Variants in GLO1 observed in about 807,000 individuals in gnomAD.
GLO1 encodes lactoylglutathione lyase.
GLO1 carries 28 observed loss-of-function variants against 26.0 expected under a neutral mutation model. That is an observed-to-expected ratio of 1.08 (90% CI 0.80 to 1.48). GLO1 has a LOEUF of 1.48. Among genes scored for constraint, GLO1 ranks in the 40% most tolerant of loss-of-function variants. GLO1 has a pLI of 0.00. For missense variants in GLO1, 225 were observed against 224.8 expected, an observed-to-expected ratio of 1.00 and a Z score of -0.01; for synonymous variants, 78 against 77.6, an observed-to-expected ratio of 1.00 and a Z score of -0.03.
chr6:38,688,521 T>G (rs1761487009), intron 1 of GLO1, among the ~76,000 whole-genome samples: 1 of 152,204 alleles, frequency 6.6e-6, no homozygotes, highest in Admixed American at 6.5e-5. Flanking sequence ...ATAACAAACA[T>G]CCTTCTTTCC....
At chr6:38,698,727 G>T (rs1189593075) in intron 1 of GLO1, among the ~76,000 whole-genome samples, 1 of 132,544 alleles carries the variant, frequency 7.5e-6, no homozygotes, top group Non-Finnish European at 1.5e-5. Context: ...TTTAAAGAAA[G>T]TTAGCCCAGA....
At chr6:38,702,088 G>A (rs1424643439) in intron 1 of GLO1, among the ~76,000 whole-genome samples, 4 of 151,892 alleles carry the variant, frequency 2.6e-5, no homozygotes, top group East Asian at 1.9e-4. Context: ...CCGCCACCAC[G>A]CCCAGCTCAT....
rs535784818 is a variant in GLO1 at position 38,699,537 on chromosome 6, G to A, written c.84+3434C>T. On this transcript the variant is annotated intron_variant, in intron 1 of 5. Coordinates refer to ENST00000373365, the MANE Select transcript of GLO1 (RefSeq NM_006708.3). ...TTCTTCTTGCAGAGAGCCTATAAAC[G>A]GACGTGCAAGTAGGAGAGATATTGC... 7.9e-5 allele frequency among the ~76,000 whole-genome samples: 12 copies of A among 152,232 alleles called. No individual in the cohort carries two copies. The South Asian group carries it at 2.1e-3, about 26-fold the overall frequency.
rs1761389923 is a variant in GLO1, at chr6:38,682,102, C to T, written c.377-1G>A. Reference sequence around the variant, plus strand: ...TCAGGAACAGCAATTCCAATATGACCTTACGTGATACCCCCCGAAAAAAGC... The same window carrying T: ...TCAGGAACAGCAATTCCAATATGACTTTACGTGATACCCCCCGAAAAAAGC... On this transcript the variant is annotated splice_acceptor_variant, in intron 4 of 5. Transcript: ENST00000373365. LOFTEE classifies it high-confidence loss of function. The T allele has an allele frequency of 1.3e-6, 2 of 1,521,320 alleles. No homozygotes were observed. The highest frequency in any genetic ancestry group is 1.4e-5 in the African/African-American group (1 of 73,188). 94.2% of individuals were successfully genotyped at this position (1,521,320 alleles called of 1,614,324 possible).
Position 38,703,071 on chromosome 6 carries a change from C to A in GLO1, c.-17G>T. On this transcript the variant is annotated 5_prime_UTR_variant, in exon 1 of 6. Transcript: ENST00000373365. ...TTCTGCCATGGCTGCGCTGCAGTAT[C>A]ACAGACGACGGGACCCAAGGAACGG... The A allele has an allele frequency of 6.8e-7, 1 of 1,465,898 alleles. No homozygotes were observed. The highest frequency in any genetic ancestry group is 9.5e-7 in the Non-Finnish European group (1 of 1,053,632). 90.8% of individuals were successfully genotyped at this position (1,465,898 alleles called of 1,614,324 possible). A position where few individuals can be genotyped will look rare whatever the true frequency, so the allele number is the denominator to read the frequency against.
chr6:38,690,154 T>C (rs1355601109), intron 1 of GLO1, among the ~76,000 whole-genome samples: 1 of 152,238 alleles, frequency 6.6e-6, no homozygotes, highest in Non-Finnish European at 1.5e-5. Context: ...CAAAGATTTA[T>C]GTACAAAGGC....
chr6:38,681,744 G>A (rs1008948855), intron 5 of GLO1, among the ~76,000 whole-genome samples: 21 of 152,288 alleles, frequency 1.4e-4, no homozygotes, highest in Non-Finnish European at 2.4e-4. Context: ...GAAAGTGGTG[G>A]GGTCGGGCAG....
At chr6:38,697,850 C>T (rs541222241) in intron 1 of GLO1, among the ~76,000 whole-genome samples, 2 of 152,204 alleles carry the variant, frequency 1.3e-5, no homozygotes, top group African/African-American at 4.8e-5. Flanking sequence ...CTCACTACTT[C>T]CTGCCTAGAC....
intron 5 of GLO1, among the ~76,000 whole-genome samples, chr6:38,680,939 A>G (rs921903215): frequency 2.6e-5 from 4 of 152,196 alleles, no homozygotes; most frequent in Non-Finnish European, 5.9e-5. Flanking sequence ...GTGATCAAAC[A>G]CCGTGATATA....
intron 1 of GLO1, among the ~76,000 whole-genome samples, chr6:38,690,317 A>C (rs551990548): frequency 6.6e-6 from 1 of 152,314 alleles, no homozygotes; most frequent in Non-Finnish European, 1.5e-5. Context: ...CAGAGAAAAA[A>C]TTCTGGCCCA....
intron 3 of GLO1, chr6:38,683,086 T>G: frequency 1.9e-6 from 1 of 519,942 alleles, no homozygotes; most frequent in Non-Finnish European, 3.4e-6. Context: ...ATACAGGTAC[T>G]GGACAAGAAC....
At position 38,684,454 on chromosome 6, in the gene GLO1, C is replaced by T. The variant is rs751068163; in HGVS notation, c.228G>A (p.Glu76=). Residue 76 remains glutamate, a synonymous_variant, in exon 3 of 6, where the codon GAG becomes GAA. Transcript: ENST00000373365. ...MKFSLYFLAY[E]DKNDIPKEKD... ...TTTCTTTAGGGATGTCATTTTTATC[C>T]TCATAAGCCAAGAAGTAGAGTGAAA... is the stretch of plus-strand genomic sequence containing the variant. The T allele has an allele frequency of 2.2e-5, 34 of 1,569,640 alleles. No individual in the cohort carries two copies. Among genetic ancestry groups the T allele is most frequent in the Non-Finnish European group, 2.7e-5 (31 of 1,155,640 alleles).
At chr6:38,693,359 T>C (rs534188307) in intron 1 of GLO1, among the ~76,000 whole-genome samples, 2 of 152,308 alleles carry the variant, frequency 1.3e-5, no homozygotes, top group South Asian at 4.1e-4. Context: ...CTGATATTGG[T>C]AGTTTGTGCT....
At chr6:38,697,401 G>A (rs1761628568) in intron 1 of GLO1, among the ~76,000 whole-genome samples, 1 of 152,190 alleles carries the variant, frequency 6.6e-6, no homozygotes. Flanking sequence ...GGTACAGGGA[G>A]AAGATTCACA....
intron 4 of GLO1, among the ~76,000 whole-genome samples, 181 bp from the exon 5 acceptor site, chr6:38,682,282 G>C (rs1392402800): frequency 4.6e-5 from 7 of 151,896 alleles, no homozygotes; most frequent in Non-Finnish European, 1.0e-4. Flanking sequence ...TAATGGGCTG[G>C]GTATAAGTAG....
At chr6:38,699,266 T>G (rs1282870308) in intron 1 of GLO1, among the ~76,000 whole-genome samples, 1 of 152,220 alleles carries the variant, frequency 6.6e-6, no homozygotes, top group Non-Finnish European at 1.5e-5. Flanking sequence ...CAAATAATAC[T>G]TTTATAATTT....
chr6:38,677,802 T>C (rs1254990115), intron 5 of GLO1, among the ~76,000 whole-genome samples: 1 of 152,182 alleles, frequency 6.6e-6, no homozygotes, highest in African/African-American at 2.4e-5. Flanking sequence ...AAAATTCTTA[T>C]TGTCAGAAAA....
chr6:38,692,092 A>AG (rs35049981), intron 1 of GLO1, among the ~76,000 whole-genome samples: 19,150 of 152,002 alleles, frequency 0.13, 1,619 homozygotes, highest in East Asian at 0.26. Context: ...TCTGTCTAAA[A>AG]AAGTTTGATA....
chr6:38,692,107 G>A (rs902192363), intron 1 of GLO1, among the ~76,000 whole-genome samples: 4 of 152,068 alleles, frequency 2.6e-5, no homozygotes, highest in African/African-American at 9.7e-5. Flanking sequence ...TTGATAAGGA[G>A]TGTGTTAAAC....
Sources: gnomAD v4.1 joint callset for allele counts (sites outside exome capture counted in the v4.1 genomes callset) on GRCh38, gnomAD v4.1.1 for gene constraint, MANE v1.5 for transcripts, NCBI Gene and HGNC (gene_info 2026-07-23, HGNC 2026-07-21) for gene names.